The following RXRA variants were observed in gnomAD, a reference collection of about 807,000 sequenced individuals.
RXRA encodes retinoic acid receptor RXR-alpha.
Under a neutral mutation model 44.5 loss-of-function variants are expected in RXRA, and 5 were observed. The ratio of observed to expected loss-of-function variants is 0.11; its 90% CI spans 0.06 to 0.24. The LOEUF (loss-of-function observed/expected upper bound fraction) is 0.24. RXRA is among the 10% of genes least tolerant of loss of function. The pLI, the probability that RXRA is intolerant of heterozygous loss-of-function variation, is 1.00. For synonymous variants in RXRA, 291 were observed against 271.4 expected (o/e 1.07, Z -0.71); for missense variants, 412 against 646.5 (o/e 0.64, Z 3.93).
At chr9:134,414,810 G>A (rs1041829341) in intron 4 of RXRA, among the ~76,000 whole-genome samples, 10 of 152,238 alleles carry the variant, frequency 6.6e-5, no homozygotes, top group African/African-American at 1.9e-4. Context: ...TGAGATCTGC[G>A]TGTGCGGGGG....
At chr9:134,334,209 G>A (rs1835050421) in intron 1 of RXRA, among the ~76,000 whole-genome samples, 1 of 152,238 alleles carries the variant, frequency 6.6e-6, no homozygotes, top group African/African-American at 2.4e-5. Context: ...TTTTTCCCAG[G>A]CTTCCTGAGG....
chr9:134,331,879 A>T (rs1554746691), intron 1 of RXRA, among the ~76,000 whole-genome samples: 1 of 152,138 alleles, frequency 6.6e-6, no homozygotes, highest in Non-Finnish European at 1.5e-5. Context: ...CCTGCCTCTC[A>T]GCATCCTCAG....
chr9:134,366,851 G>A lies in RXRA; in HGVS notation c.29-34781G>A, dbSNP rs1342070017. ...GTGTGAGCAAAGACACAGGAGTCGG[G>A]GACACATCCCAGTCGGAACGTGGTG... On this transcript the variant is annotated intron_variant, in intron 1 of 9. Coordinates refer to ENST00000481739, the MANE Select transcript of RXRA (RefSeq NM_002957.6). The surrounding 1 kb of genome is among the most constrained non-coding windows in gnomAD (Gnocchi z 5.9). Among the ~76,000 whole-genome samples the A allele has an allele frequency of 6.6e-6, 1 of 152,168 alleles. No individual in the cohort carries two copies. Among genetic ancestry groups the A allele is most frequent in the Non-Finnish European group, 1.5e-5 (1 of 68,024 alleles).
At chr9:134,418,576 G>C (rs753932693) in intron 5 of RXRA, among the ~76,000 whole-genome samples, 1 of 152,196 alleles carries the variant, frequency 6.6e-6, no homozygotes, top group Non-Finnish European at 1.5e-5. Flanking sequence ...AGCTCACGTG[G>C]CCTGGAACTG....
At chr9:134,391,101 G>A (rs1830792763) in intron 1 of RXRA, among the ~76,000 whole-genome samples, 1 of 152,208 alleles carries the variant, frequency 6.6e-6, no homozygotes, top group Non-Finnish European at 1.5e-5. Flanking sequence ...GCTGCTCAGC[G>A]GGCCGTGGGA....
chr9:134,408,551 G>T (rs1831094606), intron 3 of RXRA, among the ~76,000 whole-genome samples: 1 of 152,256 alleles, frequency 6.6e-6, no homozygotes, highest in Non-Finnish European at 1.5e-5. Flanking sequence ...AGAGGAGGTG[G>T]CTGCTGATGG....
chr9:134,353,420 C>G (rs1378804852), intron 1 of RXRA, among the ~76,000 whole-genome samples: 1 of 152,124 alleles, frequency 6.6e-6, no homozygotes, highest in Admixed American at 6.5e-5. Flanking sequence ...GTGCACGGCC[C>G]CATGCATGTA....
At chr9:134,430,181 C>T (rs1027755005) in intron 7 of RXRA, among the ~76,000 whole-genome samples, 10 of 152,262 alleles carry the variant, frequency 6.6e-5, no homozygotes, top group African/African-American at 9.6e-5. Flanking sequence ...CCGCCGCGCC[C>T]GGCCTCTCTG....
At position 134,426,841 on chromosome 9, in the gene RXRA, G is replaced by A. The variant is rs1588306683; in HGVS notation, c.911-2267G>A. On this transcript the variant is annotated intron_variant, in intron 6 of 9. Transcript: ENST00000481739. The surrounding 1 kb of genome is among the most constrained non-coding windows in gnomAD (Gnocchi z 4.6). ...GTGCCCCAGCCCAGATCTTGTCCTC[G>A]GCCCCCTGGGTCCCTGCCCTTGGCC... 3.0e-6 allele frequency: 3 copies of A among 985,352 alleles called. No individual in the cohort carries two copies. The highest frequency in any genetic ancestry group is 3.6e-6 in the Non-Finnish European group (3 of 829,890). The allele number at this position is 985,352 out of a possible 1,614,324, so 61.0% of individuals were successfully genotyped here. A position where few individuals can be genotyped will look rare whatever the true frequency, so the allele number is the denominator to read the frequency against.
At chr9:134,387,095 G>A (rs1830731385) in intron 1 of RXRA, among the ~76,000 whole-genome samples, 1 of 152,242 alleles carries the variant, frequency 6.6e-6, no homozygotes, top group African/African-American at 2.4e-5. Flanking sequence ...GGGTGGGTGA[G>A]AGGGGAGACA....
At chr9:134,353,535 T>A (rs1366235248) in intron 1 of RXRA, among the ~76,000 whole-genome samples, 2 of 152,238 alleles carry the variant, frequency 1.3e-5, no homozygotes, top group Admixed American at 1.3e-4. Context: ...GCGTGTTCAT[T>A]GCCCAGTGGT....
chr9:134,369,188 TTATG>T (rs1273368775), intron 1 of RXRA, among the ~76,000 whole-genome samples: 1 of 29,010 alleles, frequency 3.4e-5, no homozygotes, highest in Non-Finnish European at 6.0e-5. Context: ...CGTGGGGGGG[TTATG>T]TGTGTGTGTG....
At chr9:134,390,361 T>A (rs1830781942) in intron 1 of RXRA, among the ~76,000 whole-genome samples, 1 of 152,194 alleles carries the variant, frequency 6.6e-6, no homozygotes, top group Non-Finnish European at 1.5e-5. Context: ...ACTCTGTCGC[T>A]GCCAGAAGTT....
chr9:134,362,047 C>G (rs1830358570), intron 1 of RXRA, among the ~76,000 whole-genome samples: 1 of 152,204 alleles, frequency 6.6e-6, no homozygotes, highest in South Asian at 2.1e-4. Context: ...GTCTCCCAGC[C>G]TGGAGCTGCC....
At chr9:134,393,221 A>T (rs1251462140) in intron 1 of RXRA, among the ~76,000 whole-genome samples, 1 of 151,686 alleles carries the variant, frequency 6.6e-6, no homozygotes, top group Non-Finnish European at 1.5e-5. Context: ...TTCTCCCTGT[A>T]GCACTGGGGC....
intron 7 of RXRA, 79 bp from the exon 8 acceptor site, chr9:134,431,826 G>T (rs1383737960): frequency 8.7e-7 from 1 of 1,145,180 alleles, no homozygotes; most frequent in African/African-American, 1.7e-5. Flanking sequence ...GCTCTCCAGA[G>T]GCCTTGGGTA....
chr9:134,344,033 C>T (rs1830119542), intron 1 of RXRA, among the ~76,000 whole-genome samples: 1 of 152,200 alleles, frequency 6.6e-6, no homozygotes, highest in African/African-American at 2.4e-5. Context: ...TGTGGCCCTA[C>T]CTCTGTGCCA....
chr9:134,353,416 G>A (rs1830245080), intron 1 of RXRA, among the ~76,000 whole-genome samples: 1 of 152,166 alleles, frequency 6.6e-6, no homozygotes, highest in Non-Finnish European at 1.5e-5. Context: ...GTGTGTGCAC[G>A]GCCCCATGCA....
rs1009655349 is a variant in RXRA, at chr9:134,342,245, G to A, written c.28+15586G>A. On this transcript the variant is annotated intron_variant, in intron 1 of 9. Coordinates refer to ENST00000481739, the MANE Select transcript of RXRA (RefSeq NM_002957.6). This position sits in a 1 kb window ranked among gnomAD's most constrained non-coding sequence, Gnocchi z 4.4. ...AGAGTGAGGGCAGGGGCGGGGGTCCGGGTCGAGGACTAGCAAGCCACAGTG... is the reference window on the plus strand; with the variant it reads ...AGAGTGAGGGCAGGGGCGGGGGTCCAGGTCGAGGACTAGCAAGCCACAGTG... Among the ~76,000 whole-genome samples the A allele has an allele frequency of 3.3e-5, 5 of 152,106 alleles. No homozygotes were observed. The highest frequency in any genetic ancestry group is 1.2e-4 in the African/African-American group (5 of 41,400).
Sources: gnomAD v4.1 joint callset for allele counts (sites outside exome capture counted in the v4.1 genomes callset) on GRCh38, gnomAD v4.1.1 for gene constraint, Gnocchi (gnomAD v3.1) non-coding constraint, MANE v1.5 for transcripts, NCBI Gene and HGNC (gene_info 2026-07-23, HGNC 2026-07-21) for gene names.